The following CDH12 variants were observed in gnomAD, a reference collection of about 807,000 sequenced individuals.
CDH12 encodes cadherin 12, also known as cadherin-12.
In CDH12, 41 loss-of-function variants were observed where a neutral mutation model predicts 74.1. The ratio of observed to expected loss-of-function variants is 0.55; its 90% CI spans 0.43 to 0.72. The LOEUF is 0.72. Ranked by LOEUF, CDH12 falls within the 30% of genes least tolerant of loss-of-function variation. The pLI is 0.00. For missense variants in CDH12, 945 were observed against 977.2 expected, an observed-to-expected ratio of 0.97 and a Z score of 0.44; for synonymous variants, 399 against 355.0, an observed-to-expected ratio of 1.12 and a Z score of -1.39.
At chr5:22,658,798 A>C (rs1429156683) in intron 1 of CDH12, among the ~76,000 whole-genome samples, 1 of 152,130 alleles carries the variant, frequency 6.6e-6, no homozygotes, top group Non-Finnish European at 1.5e-5. Flanking sequence ...AAACCAAACA[A>C]AATCTTGCAA....
rs193273799 is a variant in CDH12 at position 22,760,734 on chromosome 5, G to A, written c.-523+92324C>T. ...AAAAGGTAAATTAAAAAATCAATAC[G>A]TCAAACATTCTGATGTATTCTTTGT... On this transcript the variant is annotated intron_variant, in intron 1 of 14. Coordinates refer to ENST00000382254, the MANE Select transcript of CDH12 (RefSeq NM_004061.5). Among the ~76,000 whole-genome samples, 14 of 141,728 alleles carry A rather than the reference G, an allele frequency of 9.9e-5. No homozygotes were observed. The East Asian group carries it at 2.7e-3, about 27-fold the overall frequency. The allele number at this position is 141,728 out of a possible 152,430, so 93.0% of individuals were successfully genotyped here.
At chr5:22,392,656 T>C (rs1742293769) in intron 3 of CDH12, among the ~76,000 whole-genome samples, 1 of 152,194 alleles carries the variant, frequency 6.6e-6, no homozygotes, top group Non-Finnish European at 1.5e-5. Flanking sequence ...AAGTCATTAT[T>C]GACCAAAGAA....
rs560855054 is a variant in CDH12 at position 21,758,166 on chromosome 5, T to A, written c.1634-2324A>T. Among the ~76,000 whole-genome samples, 3 of 152,318 alleles carry A rather than the reference T, an allele frequency of 2.0e-5. No individual in the cohort carries two copies. The East Asian group carries it at 5.8e-4, about 29-fold the overall frequency. ...TTGTCTTAGACAGACCTATTTTATG[T>A]GTGCTGCTGTGACATAACATTATAA... On this transcript the variant is annotated intron_variant, in intron 13 of 14. Coordinates refer to ENST00000382254, the MANE Select transcript of CDH12 (RefSeq NM_004061.5).
chr5:22,722,585 A>G, intron 1 of CDH12, among the ~76,000 whole-genome samples: 1 of 150,390 alleles, frequency 6.6e-6, no homozygotes, highest in East Asian at 1.9e-4. Flanking sequence ...TTAAATACTC[A>G]CAAGTTCAAG....
intron 4 of CDH12, among the ~76,000 whole-genome samples, chr5:22,105,789 C>A (rs1744406972): frequency 6.6e-6 from 1 of 151,716 alleles, no homozygotes. Flanking sequence ...TCTTAATAAC[C>A]TCAGTTTGAC....
intron 3 of CDH12, among the ~76,000 whole-genome samples, chr5:22,242,367 T>A (rs944528870): frequency 6.6e-6 from 1 of 152,194 alleles, no homozygotes; most frequent in African/African-American, 2.4e-5. Flanking sequence ...TTTCGTTTTT[T>A]TCATTTGAGA....
intron 3 of CDH12, among the ~76,000 whole-genome samples, chr5:22,340,255 C>G (rs537381899): frequency 9.9e-5 from 15 of 152,144 alleles, no homozygotes; most frequent in East Asian, 7.8e-4. Flanking sequence ...GGCTGGGTGC[C>G]GTGGCTCACG....
At chr5:22,804,746 T>A (rs1416458643) in intron 1 of CDH12, among the ~76,000 whole-genome samples, 1 of 152,196 alleles carries the variant, frequency 6.6e-6, no homozygotes, top group Non-Finnish European at 1.5e-5. Flanking sequence ...CATGATTAAT[T>A]ATTGATTACA....
chr5:22,268,185 T>C (rs1179855863), intron 3 of CDH12, among the ~76,000 whole-genome samples: 1 of 152,122 alleles, frequency 6.6e-6, no homozygotes, highest in Non-Finnish European at 1.5e-5. Context: ...TGAAGCCATG[T>C]ATTACTTTGA....
intron 6 of CDH12, among the ~76,000 whole-genome samples, chr5:21,863,209 C>T (rs6452011): frequency 0.91 from 137,906 of 152,108 alleles, 63,747 homozygotes; most frequent in Non-Finnish European, 0.99. Context: ...TGACTACTCA[C>T]ACTTATTTAC....
At chr5:22,059,458 A>G (rs1741034240) in intron 5 of CDH12, among the ~76,000 whole-genome samples, 1 of 152,120 alleles carries the variant, frequency 6.6e-6, no homozygotes, top group Non-Finnish European at 1.5e-5. Flanking sequence ...ACTATTTGAA[A>G]TGTATTTGTG....
chr5:22,271,394 C>T (rs1167474422), intron 3 of CDH12, among the ~76,000 whole-genome samples: 1 of 152,178 alleles, frequency 6.6e-6, no homozygotes, highest in Non-Finnish European at 1.5e-5. Flanking sequence ...ATCACGTCTG[C>T]AGTTACTTTC....
intron 1 of CDH12, among the ~76,000 whole-genome samples, chr5:22,668,961 A>C (rs1740766465): frequency 6.6e-6 from 1 of 151,324 alleles, no homozygotes; most frequent in Non-Finnish European, 1.5e-5. Context: ...TTCAGGTTTA[A>C]GTTACCTCCA....
chr5:21,973,608 A>G (rs1272680576), intron 6 of CDH12, among the ~76,000 whole-genome samples: 1 of 152,162 alleles, frequency 6.6e-6, no homozygotes, highest in Non-Finnish European at 1.5e-5. Context: ...TGTTTGCTTT[A>G]AGGAAGCTGT....
intron 2 of CDH12, among the ~76,000 whole-genome samples, chr5:22,482,149 G>A (rs1430192702): frequency 1.3e-5 from 2 of 152,094 alleles, no homozygotes; most frequent in Non-Finnish European, 2.9e-5. Context: ...ACGTTAAAAT[G>A]AGAGAATACC....
At chr5:22,433,972 C>T (rs963034881) in intron 2 of CDH12, among the ~76,000 whole-genome samples, 4 of 152,134 alleles carry the variant, frequency 2.6e-5, no homozygotes, top group African/African-American at 4.8e-5. Flanking sequence ...TGCTTCTATA[C>T]GTTCTGTAAG....
chr5:22,055,034 A>G (rs1032155357), intron 5 of CDH12, among the ~76,000 whole-genome samples: 4 of 152,172 alleles, frequency 2.6e-5, no homozygotes, highest in African/African-American at 9.7e-5. Context: ...GGATGCTGTT[A>G]ATAATTTTAC....
intron 1 of CDH12, among the ~76,000 whole-genome samples, chr5:22,653,700 T>G (rs1335055830): frequency 6.6e-6 from 1 of 152,144 alleles, no homozygotes; most frequent in African/African-American, 2.4e-5. Context: ...GCAAATTAGA[T>G]CTTGTCAGAA....
At chr5:21,880,675 C>A (rs546457108) in intron 6 of CDH12, among the ~76,000 whole-genome samples, 7 of 115,776 alleles carry the variant, frequency 6.0e-5, no homozygotes, top group African/African-American at 1.9e-4. Flanking sequence ...TTCTTTCTTT[C>A]TTTCTTTCTT....
Sources: allele counts gnomAD v4.1 joint callset (sites outside exome capture counted in the v4.1 genomes callset), GRCh38; gene constraint gnomAD v4.1.1; transcripts MANE v1.5; gene names NCBI Gene and HGNC (gene_info 2026-07-23, HGNC 2026-07-21).